Variants in LPIN1 observed in about 807,000 individuals in gnomAD.
LPIN1 encodes lipin 1.
A neutral mutation model predicts 107.5 loss-of-function variants in LPIN1; 71 were observed. That is an observed-to-expected ratio of 0.66 (90% CI 0.55 to 0.80). The LOEUF is 0.80. LPIN1 is among the 30% of genes least tolerant of loss of function. LPIN1 has a pLI of 0.00. For synonymous variants in LPIN1, 445 were observed against 452.6 expected (o/e 0.98, Z 0.21); for missense variants, 1,043 against 1,160.6 (o/e 0.90, Z 1.47).
chr2:11,715,565 T>G (rs996476365), intron 2 of LPIN1, among the ~76,000 whole-genome samples: 1 of 152,222 alleles, frequency 6.6e-6, no homozygotes, highest in African/African-American at 2.4e-5. Context: ...ACAGCAGGAT[T>G]TCAGTGAATC....
At chr2:11,702,675 A>G (rs1306652452) in intron 1 of LPIN1, among the ~76,000 whole-genome samples, 1 of 152,202 alleles carries the variant, frequency 6.6e-6, no homozygotes, top group East Asian at 1.9e-4. Flanking sequence ...CACTATGCTA[A>G]CAGTAATGTT....
chr2:11,691,971 T>G (rs2148507987), intron 1 of LPIN1, among the ~76,000 whole-genome samples: 1 of 152,352 alleles, frequency 6.6e-6, no homozygotes, highest in East Asian at 1.9e-4. Context: ...ATTCCCTTGA[T>G]TTGCCAATCT....
At chr2:11,750,310 C>T (rs1381144667) in intron 1 of LPIN1, among the ~76,000 whole-genome samples, 1 of 152,296 alleles carries the variant, frequency 6.6e-6, no homozygotes, top group East Asian at 1.9e-4. Flanking sequence ...AACAATGTCC[C>T]ACCATTGGAC....
At chr2:11,773,839 GT>G in intron 5 of LPIN1, 94 bp downstream of exon 5, 1 of 1,469,078 alleles carries the variant, frequency 6.8e-7, no homozygotes, top group South Asian at 1.2e-5. Context: ...GAAATGAAAA[GT>G]GAAAATAATT....
At chr2:11,762,295 C>T (rs1018320640) in intron 1 of LPIN1, among the ~76,000 whole-genome samples, 5 of 152,114 alleles carry the variant, frequency 3.3e-5, no homozygotes, top group East Asian at 1.9e-4. Context: ...CACTGCCACG[C>T]GTTCACCAAC....
At chr2:11,721,388 TGTCCTGGTG>T (rs1664135779), upstream of LPIN1, among the ~76,000 whole-genome samples, 10 of 151,908 alleles carry the variant, frequency 6.6e-5, 2 homozygotes, top group South Asian at 1.5e-3. Context: ...GGCTAAAATG[TGTCCTGGTG>T]GTCCTCTGTT....
chr2:11,787,518 C>G (rs1301967304), intron 11 of LPIN1, among the ~76,000 whole-genome samples: 1 of 151,202 alleles, frequency 6.6e-6, no homozygotes, highest in African/African-American at 2.4e-5. Context: ...TTCCCACCTC[C>G]GCCTCGCAAA....
chr2:11,691,078 GT>G (rs1285556769), intron 1 of LPIN1, among the ~76,000 whole-genome samples: 2 of 124,536 alleles, frequency 1.6e-5, no homozygotes, highest in South Asian at 2.5e-4. Context: ...TAAAAATCTT[GT>G]TGTGGTTTTT....
chr2:11,824,021 G>A (rs1682015440), intron 20 of LPIN1, among the ~76,000 whole-genome samples: 1 of 152,094 alleles, frequency 6.6e-6, no homozygotes, highest in South Asian at 2.1e-4. Flanking sequence ...TGAGCACCCA[G>A]TATACATTAT....
Position 11,786,880 on chromosome 2 carries a change from T to C in LPIN1, c.1550-194T>C, listed in dbSNP as rs1674681600. Among the ~76,000 whole-genome samples, 1 of 152,248 alleles carries C rather than the reference T, an allele frequency of 6.6e-6. No homozygotes were observed. The highest frequency in any genetic ancestry group is 2.4e-5 in the African/African-American group (1 of 41,478). On this transcript the variant is annotated intron_variant, in intron 10 of 20. Transcript: ENST00000674199. The surrounding 1 kb of genome is among the most constrained non-coding windows in gnomAD (Gnocchi z 4.1). The stretch of plus-strand genomic sequence containing the variant: ...ATCCTCAGCCTTGCCCTGGCCTCCC[T>C]GCATTGCTGCACAGACGCCGCCTTC...
intron 1 of LPIN1, among the ~76,000 whole-genome samples, chr2:11,708,837 T>C (rs1349122784): frequency 6.6e-6 from 1 of 152,162 alleles, no homozygotes; most frequent in Non-Finnish European, 1.5e-5. Flanking sequence ...TTGGTGATGA[T>C]GATGACAATG....
chr2:11,775,961 C>G (rs1211965579), intron 5 of LPIN1, 125 bp from the exon 6 acceptor site: 1 of 236,908 alleles, frequency 4.2e-6, no homozygotes, highest in Non-Finnish European at 8.2e-6. Context: ...ATTATATATA[C>G]TTTATATAAT....
chr2:11,705,053 C>T (rs144310706), intron 1 of LPIN1, among the ~76,000 whole-genome samples: 47 of 152,338 alleles, frequency 3.1e-4, no homozygotes, highest in African/African-American at 1.1e-3. Context: ...AGGCATGAAG[C>T]CCCTTGAGGG....
At chr2:11,776,302 C>A (rs1672674429) in intron 6 of LPIN1, 109 bp downstream of exon 6, 1 of 594,166 alleles carries the variant, frequency 1.7e-6, no homozygotes, top group East Asian at 3.0e-5. Context: ...GAAGAAAATA[C>A]CTGTAGATTA....
intron 1 of LPIN1, chr2:11,762,975 C>A: frequency 6.6e-6 from 1 of 152,096 alleles, no homozygotes. Context: ...GGTGAAGTCT[C>A]GGGGTGGACT....
chr2:11,821,559 C>T (rs569318929), intron 20 of LPIN1, among the ~76,000 whole-genome samples: 62 of 152,220 alleles, frequency 4.1e-4, no homozygotes, highest in African/African-American at 1.0e-3. Context: ...CCAGATAGCC[C>T]GAGGGGTTCC....
At position 11,824,869 on chromosome 2, in the gene LPIN1, C is replaced by A; in HGVS notation, c.*78C>A. 6.5e-7 allele frequency: 1 copy of A among 1,528,126 alleles called. No individual in the cohort carries two copies. The highest frequency in any genetic ancestry group is 9.0e-7 in the Non-Finnish European group (1 of 1,106,528). 94.7% of individuals were successfully genotyped at this position (1,528,126 alleles called of 1,614,324 possible). A position where few individuals can be genotyped will look rare whatever the true frequency, so the allele number is the denominator to read the frequency against. Reference sequence around the variant, plus strand: ...AAAGGATAGGTCTCCCCGGAGTGCACAGCTCCACCTGGGAGCCTGGCGCGT... The same window carrying A: ...AAAGGATAGGTCTCCCCGGAGTGCAAAGCTCCACCTGGGAGCCTGGCGCGT... On this transcript the variant is annotated 3_prime_UTR_variant, in exon 21 of 21. Transcript: ENST00000674199.
chr2:11,696,318 A>C (rs1662577120), intron 1 of LPIN1, among the ~76,000 whole-genome samples: 2 of 151,766 alleles, frequency 1.3e-5, no homozygotes, highest in South Asian at 4.2e-4. Flanking sequence ...CTCTCGAATG[A>C]GCTGCTCGAG....
At position 11,819,275 on chromosome 2, in the gene LPIN1, C is replaced by T. The variant is rs535158811; in HGVS notation, c.2403-209C>T. ...GATAACCCTTGGTGAAATGGCTCAT[C>T]CTTGGTGTTTTCTTTTGTAGAAAGA... is the stretch of plus-strand genomic sequence containing the variant. On this transcript the variant is annotated intron_variant, in intron 18 of 20. Transcript: ENST00000674199. The T allele has an allele frequency of 4.7e-4, 262 of 562,558 alleles. 1 individual carries two copies. Among genetic ancestry groups the T allele is most frequent in the African/African-American group, 4.6e-3 (242 of 53,006 alleles). The allele number at this position is 562,558 out of a possible 1,614,324, so 34.8% of individuals were successfully genotyped here. A position where few individuals can be genotyped will look rare whatever the true frequency, so the allele number is the denominator to read the frequency against.
Sources: allele counts gnomAD v4.1 joint callset (sites outside exome capture counted in the v4.1 genomes callset), GRCh38; gene constraint gnomAD v4.1.1; non-coding constraint Gnocchi (gnomAD v3.1); transcripts MANE v1.5; gene names NCBI Gene and HGNC (gene_info 2026-07-23, HGNC 2026-07-21).